Variants in RAD51B observed in about 807,000 individuals in gnomAD.
RAD51B encodes the protein RAD51 paralog B, also known as DNA repair protein RAD51 homolog 2.
RAD51B carries 38 observed loss-of-function variants against 42.2 expected under a neutral mutation model. The observed-to-expected ratio is 0.90, with a 90% CI of 0.70 to 1.18. The LOEUF (loss-of-function observed/expected upper bound fraction) is 1.18, where lower values mean the gene tolerates loss of function less well. Among genes scored for constraint, RAD51B ranks in the 50% most tolerant of loss-of-function variants. The pLI is 0.00. For synonymous variants in RAD51B, 154 were observed against 145.2 expected, an observed-to-expected ratio of 1.06 and a Z score of -0.43; for missense variants, 373 against 400.7, an observed-to-expected ratio of 0.93 and a Z score of 0.59.
At chr14:68,129,047 A>T (rs1765466995) in intron 7 of RAD51B, among the ~76,000 whole-genome samples, 1 of 152,198 alleles carries the variant, frequency 6.6e-6, no homozygotes, top group African/African-American at 2.4e-5. Flanking sequence ...TTCACTGTGA[A>T]TGAGAAAGCC....
chr14:68,013,897 A>ATG (rs1205140622), intron 7 of RAD51B, among the ~76,000 whole-genome samples: 4 of 152,166 alleles, frequency 2.6e-5, no homozygotes, highest in Non-Finnish European at 5.9e-5. Context: ...GAATTTTTTC[A>ATG]TGAAGCAGTG....
chr14:68,265,425 C>A (rs975478782), intron 7 of RAD51B, among the ~76,000 whole-genome samples: 3 of 152,098 alleles, frequency 2.0e-5, no homozygotes, highest in African/African-American at 7.2e-5. Flanking sequence ...TTAAGATGCT[C>A]CCAGACCAGT....
intron 4 of RAD51B, among the ~76,000 whole-genome samples, chr14:67,861,266 G>A (rs2042153933): frequency 6.6e-6 from 1 of 151,856 alleles, no homozygotes; most frequent in African/African-American, 2.4e-5. Context: ...GAGATGAGAA[G>A]TGACCATGAG....
At chr14:68,612,325 G>C (rs1174026675), downstream of RAD51B, among the ~76,000 whole-genome samples, 2 of 152,238 alleles carry the variant, frequency 1.3e-5, no homozygotes, top group African/African-American at 4.8e-5. Context: ...ACTTGTAGAA[G>C]AGCAGAAAGA....
chr14:67,823,967 A>G (rs777955312), intron 2 of RAD51B, among the ~76,000 whole-genome samples: 37 of 152,274 alleles, frequency 2.4e-4, no homozygotes, highest in Non-Finnish European at 4.7e-4. Flanking sequence ...AAAGAAATTA[A>G]TAGACCATTT....
chr14:67,964,509 A>G (rs1443901635), intron 7 of RAD51B, among the ~76,000 whole-genome samples: 1 of 152,044 alleles, frequency 6.6e-6, no homozygotes, highest in African/African-American at 2.4e-5. Flanking sequence ...CAACATGCCT[A>G]CAGGGCACAC....
chr14:68,118,442 C>T (rs544334361), intron 7 of RAD51B, among the ~76,000 whole-genome samples: 22 of 152,188 alleles, frequency 1.4e-4, no homozygotes, highest in Non-Finnish European at 2.2e-4. Flanking sequence ...GTGTGCCCCT[C>T]GCCCACCAAA....
chr14:67,875,297 G>A (rs1264385669), intron 5 of RAD51B, among the ~76,000 whole-genome samples: 1 of 152,180 alleles, frequency 6.6e-6, no homozygotes, highest in African/African-American at 2.4e-5. Flanking sequence ...TGTATTGGTA[G>A]TGTGTGGGAG....
At chr14:68,117,889 G>A (rs1041441390) in intron 7 of RAD51B, among the ~76,000 whole-genome samples, 2 of 152,214 alleles carry the variant, frequency 1.3e-5, no homozygotes, top group South Asian at 2.1e-4. Flanking sequence ...TTGTCCTTTC[G>A]AATTGCCGTT....
intron 10 of RAD51B, among the ~76,000 whole-genome samples, chr14:68,557,357 A>G (rs1888907598): frequency 6.6e-6 from 1 of 152,192 alleles, no homozygotes; most frequent in Non-Finnish European, 1.5e-5. Flanking sequence ...TCTAACACAA[A>G]GCCTACTTTA....
In RAD51B at chr14:67,961,608, G is replaced by A. The variant is rs193275359; in HGVS notation, c.756+74404G>A. Reference sequence around the variant, plus strand: ...CTGGATATTTCAGTTCTCTGAAAATGTGTAGCTATCCTGTGAGAAGCAAAC... The same window carrying A: ...CTGGATATTTCAGTTCTCTGAAAATATGTAGCTATCCTGTGAGAAGCAAAC... On this transcript the variant is annotated intron_variant, in intron 7 of 10. Coordinates refer to ENST00000471583, the MANE Select transcript of RAD51B (RefSeq NM_133510.4). Among the ~76,000 whole-genome samples, 427 of 152,308 alleles carry A rather than the reference G, an allele frequency of 2.8e-3. 1 individual carries two copies. Among genetic ancestry groups the A allele is most frequent in the African/African-American group, 9.7e-3 (405 of 41,578 alleles).
Position 68,426,994 on chromosome 14 carries a change from C to T in RAD51B, c.957+15467C>T, listed in dbSNP as rs137990644. Among the ~76,000 whole-genome samples, 451 of 152,356 alleles carry T rather than the reference C, an allele frequency of 3.0e-3. 2 individuals carry two copies. Among genetic ancestry groups the T allele is most frequent in the African/African-American group, 0.01 (427 of 41,588 alleles). ...CTCTGCCACCCAGTCATAGCTCAAG[C>T]AGGCCCAGGTGTGACTCATGTTGCC... is the stretch of plus-strand genomic sequence containing the variant. On this transcript the variant is annotated intron_variant, in intron 9 of 10. Transcript: ENST00000471583.
intron 7 of RAD51B, among the ~76,000 whole-genome samples, chr14:68,049,875 G>C (rs2076364471): frequency 6.6e-6 from 1 of 152,110 alleles, no homozygotes; most frequent in African/African-American, 2.4e-5. Flanking sequence ...TTTTCAGCTT[G>C]TCTTTTGAGG....
intron 8 of RAD51B, among the ~76,000 whole-genome samples, chr14:68,317,498 G>A (rs895031221): frequency 6.9e-6 from 1 of 145,038 alleles, no homozygotes; most frequent in Non-Finnish European, 1.5e-5. Flanking sequence ...ACTTTCTAGA[G>A]TTGATGTTAC....
chr14:68,225,064 AAAAATTT>A (rs2140971147), intron 7 of RAD51B, among the ~76,000 whole-genome samples: 1 of 152,296 alleles, frequency 6.6e-6, no homozygotes, highest in African/African-American at 2.4e-5. Context: ...TTGTTAAGAA[AAAAATTT>A]AGACATACAA....
Position 68,641,011 on chromosome 14 carries a change from G to A in RAD51B, c.1037-9770G>A, listed in dbSNP as rs140894745. Among the ~76,000 whole-genome samples, 19 of 152,296 alleles carry A rather than the reference G, an allele frequency of 1.2e-4. No individual in the cohort carries two copies. In the East Asian group the frequency reaches 2.3e-3, roughly 19 times the overall value. On this transcript the variant is annotated intron_variant, in intron 10 of 11. Transcript: ENST00000488612. ...TAATGGTCTTTACCCTGTGGGCAACGAGGAGCCCTTGAAGAGTTTTAAGCA... is the reference window on the plus strand; with the variant it reads ...TAATGGTCTTTACCCTGTGGGCAACAAGGAGCCCTTGAAGAGTTTTAAGCA...
intron 7 of RAD51B, among the ~76,000 whole-genome samples, chr14:67,887,777 A>T (rs2043106797): frequency 6.6e-6 from 1 of 152,210 alleles, no homozygotes; most frequent in South Asian, 2.1e-4. Context: ...TATTTGTGGC[A>T]TGGCTTTTTG....
intron 10 of RAD51B, among the ~76,000 whole-genome samples, chr14:68,648,710 CACA>C (rs1892636722): frequency 1.4e-5 from 2 of 142,588 alleles, no homozygotes; most frequent in African/African-American, 5.2e-5. Context: ...CACACACACA[CACA>C]CAGGGAAAAA....
chr14:68,012,772 G>A (rs990139305), intron 7 of RAD51B, among the ~76,000 whole-genome samples: 7 of 152,086 alleles, frequency 4.6e-5, no homozygotes, highest in African/African-American at 1.7e-4. Context: ...TAACTGTTTT[G>A]TTAGCTGTTG....
Sources: gnomAD v4.1 joint callset for allele counts (sites outside exome capture counted in the v4.1 genomes callset) on GRCh38, gnomAD v4.1.1 for gene constraint, MANE v1.5 for transcripts, NCBI Gene and HGNC (gene_info 2026-07-23, HGNC 2026-07-21) for gene names.